TNRC6B: variants seen among roughly 807,000 people sequenced by gnomAD.
TNRC6B encodes trinucleotide repeat-containing gene 6B protein.
TNRC6B carries 52 observed loss-of-function variants against 203.6 expected under a neutral mutation model. The observed-to-expected ratio is 0.26, with a 90% CI of 0.20 to 0.32. The LOEUF (loss-of-function observed/expected upper bound fraction) is 0.32. Ranked by LOEUF, TNRC6B falls within the 10% of genes least tolerant of loss-of-function variation. TNRC6B has a pLI of 1.00. For missense variants in TNRC6B, 1,923 were observed against 2,286.2 expected (o/e 0.84, Z 3.24); for synonymous variants, 838 against 845.7 (o/e 0.99, Z 0.16).
intron 12 of TNRC6B, among the ~76,000 whole-genome samples, chr22:40,290,954 A>G (rs765816484): frequency 6.6e-6 from 1 of 152,172 alleles, no homozygotes; most frequent in African/African-American, 2.4e-5. Flanking sequence ...AAAAAAGAAA[A>G]TTACTTGTGT....
intron 1 of TNRC6B, among the ~76,000 whole-genome samples, chr22:40,049,133 G>T (rs2067722296): frequency 6.6e-6 from 1 of 152,034 alleles, no homozygotes; most frequent in African/African-American, 2.4e-5. Context: ...TGTAATCCCA[G>T]CACTTTGGGA....
chr22:40,322,795 C>T (rs1410039738), intron 22 of TNRC6B, 59 bp from the exon 23 acceptor site: 2 of 1,602,486 alleles, frequency 1.2e-6, no homozygotes, highest in South Asian at 1.1e-5. Flanking sequence ...CAGTCGCTCC[C>T]TCCGTATGCT....
rs17001819 is a variant in TNRC6B, at chr22:40,317,612, T to C, written c.4974+1600T>C. Among the ~76,000 whole-genome samples the C allele has an allele frequency of 7.9e-3, 1,207 of 152,292 alleles. 16 individuals carry two copies. The highest frequency in any genetic ancestry group is 0.028 in the African/African-American group (1,161 of 41,556). Reference sequence around the variant, plus strand: ...AAAAAGCTACATGGGTGTGTTTAACTCTCCGTCTATTATCCTCTTCACGTG... The same window carrying C: ...AAAAAGCTACATGGGTGTGTTTAACCCTCCGTCTATTATCCTCTTCACGTG... On this transcript the variant is annotated intron_variant, in intron 21 of 22. Coordinates refer to ENST00000454349, the MANE Select transcript of TNRC6B (RefSeq NM_001162501.2).
chr22:40,210,280 C>T (rs1601886530), intron 1 of TNRC6B, among the ~76,000 whole-genome samples: 1 of 152,134 alleles, frequency 6.6e-6, no homozygotes, highest in African/African-American at 2.4e-5. Context: ...ATGAGACAGA[C>T]AGTGAGTAAG....
chr22:40,180,481 C>A (rs376489578), intron 1 of TNRC6B, among the ~76,000 whole-genome samples: 2 of 152,282 alleles, frequency 1.3e-5, no homozygotes, highest in South Asian at 4.1e-4. Flanking sequence ...TATAAATATT[C>A]TTTTCCCCTG....
rs984320885 is a variant in TNRC6B, at chr22:40,335,668, T to TA, written c.*12428dup. 15 of 151,798 alleles carry TA rather than the reference T, an allele frequency of 9.9e-5. No homozygotes were observed. The highest frequency in any genetic ancestry group is 3.6e-4 in the African/African-American group (15 of 41,340). 9.4% of individuals were successfully genotyped at this position (151,798 alleles called of 1,614,324 possible). ...TAAACAGCTTATTTTTGTTTTTGTT[T>TA]AGTTTTTTTATTTTATTTTATTTTG... On this transcript the variant is annotated 3_prime_UTR_variant, in exon 23 of 23. Transcript: ENST00000454349.
At chr22:40,160,830 A>G (rs1168729930) in intron 4 of TNRC6B, among the ~76,000 whole-genome samples, 1 of 152,120 alleles carries the variant, frequency 6.6e-6, no homozygotes, top group East Asian at 1.9e-4. Context: ...TCAGCCTCCC[A>G]AAGTCCTGGG....
At chr22:40,079,730 C>T (rs1467320939) in intron 1 of TNRC6B, among the ~76,000 whole-genome samples, 1 of 151,972 alleles carries the variant, frequency 6.6e-6, no homozygotes, top group Non-Finnish European at 1.5e-5. Context: ...GAGATCCTCC[C>T]ACCTCAGCCT....
At chr22:40,276,991 A>G in intron 7 of TNRC6B, 86 bp from the exon 8 acceptor site, 1 of 995,688 alleles carries the variant, frequency 1.0e-6, no homozygotes, top group Non-Finnish European at 1.4e-6. Context: ...GGTAAACTCA[A>G]GTCTACATTT....
At chr22:40,300,833 G>A in intron 13 of TNRC6B, 77 bp from the exon 14 acceptor site, 1 of 1,415,830 alleles carries the variant, frequency 7.1e-7, no homozygotes. Flanking sequence ...GTACTTCAGT[G>A]CACAGACCCT....
At chr22:40,317,862 T>C (rs2071280462) in intron 21 of TNRC6B, among the ~76,000 whole-genome samples, 1 of 152,250 alleles carries the variant, frequency 6.6e-6, no homozygotes, top group African/African-American at 2.4e-5. Context: ...GAGTCTGTTA[T>C]GCCTCCTGTT....
intron 17 of TNRC6B, among the ~76,000 whole-genome samples, chr22:40,311,874 A>G (rs987295521): frequency 6.6e-6 from 1 of 152,238 alleles, no homozygotes; most frequent in Non-Finnish European, 1.5e-5. Flanking sequence ...GATCGTTCAT[A>G]TATAATACAC....
At chr22:40,117,212 G>GC (rs2068395482) in intron 2 of TNRC6B, 1 of 152,362 alleles carries the variant, frequency 6.6e-6, no homozygotes, top group Non-Finnish European at 1.5e-5. Flanking sequence ...AAACATTGTT[G>GC]CCCTTTTACC....
chr22:40,316,333 G>T (rs1324407769), intron 21 of TNRC6B, among the ~76,000 whole-genome samples: 2 of 148,124 alleles, frequency 1.4e-5, no homozygotes, highest in African/African-American at 5.0e-5. Context: ...CAGCCTGGGC[G>T]ACAGAGTGAG....
chr22:40,090,911 T>G (rs1165767708), intron 1 of TNRC6B, among the ~76,000 whole-genome samples: 1 of 152,198 alleles, frequency 6.6e-6, no homozygotes, highest in East Asian at 1.9e-4. Flanking sequence ...CAGGATCACA[T>G]CAAAAGAACC....
chr22:40,081,212 T>A (rs565750718), intron 1 of TNRC6B, among the ~76,000 whole-genome samples: 1 of 152,204 alleles, frequency 6.6e-6, no homozygotes, highest in African/African-American at 2.4e-5. Context: ...GCCTAAGCCC[T>A]AGCCCAGTGT....
At chr22:40,300,631 T>C in intron 13 of TNRC6B, 45 bp downstream of exon 13, 1 of 1,561,728 alleles carries the variant, frequency 6.4e-7, no homozygotes, top group Non-Finnish European at 8.6e-7. Flanking sequence ...GTCATTTGCT[T>C]TTTTTTTTTC....
intron 1 of TNRC6B, among the ~76,000 whole-genome samples, chr22:40,232,010 C>T (rs1012248485): frequency 6.6e-6 from 1 of 152,178 alleles, no homozygotes; most frequent in Non-Finnish European, 1.5e-5. Flanking sequence ...TAGTTCCAGG[C>T]CATTTCCTGA....
At chr22:40,136,371 T>TTTTG (rs150445100) in intron 3 of TNRC6B, among the ~76,000 whole-genome samples, 31 of 141,118 alleles carry the variant, frequency 2.2e-4, no homozygotes, top group African/African-American at 8.0e-4. Context: ...TATGTTTATC[T>TTTTG]TGTGTGTGTG....
Sources: gnomAD v4.1 joint callset for allele counts (sites outside exome capture counted in the v4.1 genomes callset) on GRCh38, gnomAD v4.1.1 for gene constraint, MANE v1.5 for transcripts, NCBI Gene and HGNC (gene_info 2026-07-23, HGNC 2026-07-21) for gene names.